Variants in FOXN3 observed in about 807,000 individuals in gnomAD.
FOXN3 encodes forkhead box protein N3.
FOXN3 carries 7 observed loss-of-function variants against 38.4 expected under a neutral mutation model. That is an observed-to-expected ratio of 0.18 (90% CI 0.10 to 0.34). The LOEUF is 0.34. Ranked by LOEUF, FOXN3 falls within the 10% of genes least tolerant of loss-of-function variation. The probability of loss-of-function intolerance (pLI) is 1.00; values close to 1 mark genes in which losing one functional copy is unlikely to be tolerated. For synonymous variants in FOXN3, 230 were observed against 242.2 expected, an observed-to-expected ratio of 0.95 and a Z score of 0.47; for missense variants, 456 against 613.4, an observed-to-expected ratio of 0.74 and a Z score of 2.71.
At chr14:89,290,879 A>C in intron 3 of FOXN3, 1 of 287,480 alleles carries the variant, frequency 3.5e-6, no homozygotes, top group Non-Finnish European at 6.9e-6. Flanking sequence ...TTGTGTCTTC[A>C]TTCTCAAAAA....
At chr14:89,296,196 G>A (rs1476983177) in intron 3 of FOXN3, among the ~76,000 whole-genome samples, 5 of 151,986 alleles carry the variant, frequency 3.3e-5, no homozygotes, top group African/African-American at 7.3e-5. Context: ...TTAAAACCAC[G>A]GCTACGATTT....
intron 1 of FOXN3, among the ~76,000 whole-genome samples, chr14:89,450,574 C>A (rs1485446307): frequency 2.7e-5 from 4 of 148,032 alleles, no homozygotes; most frequent in African/African-American, 7.6e-5. Flanking sequence ...AAATAACATT[C>A]TCGACTTCAT....
intron 3 of FOXN3, among the ~76,000 whole-genome samples, chr14:89,341,543 C>T (rs945019245): frequency 6.6e-6 from 1 of 152,142 alleles, no homozygotes; most frequent in Non-Finnish European, 1.5e-5. Context: ...TCTTAATCTC[C>T]CTCCTTTGTT....
intron 3 of FOXN3, among the ~76,000 whole-genome samples, chr14:89,320,627 T>C (rs1478622898): frequency 6.6e-6 from 1 of 152,172 alleles, no homozygotes; most frequent in Non-Finnish European, 1.5e-5. Context: ...CTCATGGGTC[T>C]CCTCATCACA....
intron 1 of FOXN3, among the ~76,000 whole-genome samples, chr14:89,416,107 C>G (rs1331644990): frequency 6.6e-6 from 1 of 152,166 alleles, no homozygotes; most frequent in Non-Finnish European, 1.5e-5. Flanking sequence ...GGGGCCGGGT[C>G]ACCCCCGCCC....
intron 1 of FOXN3, among the ~76,000 whole-genome samples, chr14:89,560,457 A>G (rs1895225926): frequency 6.6e-6 from 1 of 152,200 alleles, no homozygotes; most frequent in Non-Finnish European, 1.5e-5. Context: ...ACCATACCCC[A>G]TCCCTAAGTT....
Position 89,271,045 on chromosome 14 carries a change from G to GCACA in FOXN3, c.745+9901_745+9904dup, listed in dbSNP as rs142275431. Among the ~76,000 whole-genome samples, 446 of 150,934 alleles carry GCACA rather than the reference G, an allele frequency of 3.0e-3. 2 individuals carry two copies. The highest frequency in any genetic ancestry group is 3.2e-3 in the Non-Finnish European group (213 of 67,570). On this transcript the variant is annotated intron_variant, in intron 4 of 5. Transcript: ENST00000557258. ...TTCACTCATGCATGTGCACATACCT[G>GCACA]CACACACACACACACACCCACTCCC...
chr14:89,615,379 T>C (rs185542512), intron 1 of FOXN3, among the ~76,000 whole-genome samples: 3 of 152,320 alleles, frequency 2.0e-5, no homozygotes, highest in African/African-American at 7.2e-5. Context: ...GGAATTGTAT[T>C]GAACATCTTG....
chr14:89,372,487 C>G (rs1427871084), intron 2 of FOXN3, among the ~76,000 whole-genome samples: 1 of 152,144 alleles, frequency 6.6e-6, no homozygotes, highest in Non-Finnish European at 1.5e-5. Context: ...CTGACTGAAA[C>G]AAAATCTTAC....
intron 5 of FOXN3, among the ~76,000 whole-genome samples, chr14:89,177,030 T>G (rs914319985): frequency 4.6e-5 from 4 of 86,886 alleles, no homozygotes; most frequent in African/African-American, 1.7e-4. Flanking sequence ...TTTTTTTTTT[T>G]GACAGAGTCT....
intron 1 of FOXN3, among the ~76,000 whole-genome samples, chr14:89,426,926 T>C (rs1892043807): frequency 6.6e-6 from 1 of 151,756 alleles, no homozygotes; most frequent in East Asian, 1.9e-4. Flanking sequence ...GAGACAAAAT[T>C]GTGACCGAGA....
At chr14:89,359,203 G>A (rs889922009) in intron 2 of FOXN3, among the ~76,000 whole-genome samples, 1 of 151,998 alleles carries the variant, frequency 6.6e-6, no homozygotes, top group African/African-American at 2.4e-5. Flanking sequence ...GGCTGAGGCA[G>A]GAGAATCGCT....
At chr14:89,499,857 CG>C (rs1011703737) in intron 1 of FOXN3, among the ~76,000 whole-genome samples, 1 of 152,016 alleles carries the variant, frequency 6.6e-6, no homozygotes, top group Non-Finnish European at 1.5e-5. Context: ...GCAGCCTCCA[CG>C]GAAGGGGAGT....
At chr14:89,451,674 A>T (rs1892615154) in intron 1 of FOXN3, among the ~76,000 whole-genome samples, 1 of 152,080 alleles carries the variant, frequency 6.6e-6, no homozygotes, top group Non-Finnish European at 1.5e-5. Context: ...TTTAATCTTC[A>T]TCACCCCTGC....
chr14:89,189,261 TG>T (rs1887884526), intron 4 of FOXN3, among the ~76,000 whole-genome samples: 1 of 152,202 alleles, frequency 6.6e-6, no homozygotes, highest in Non-Finnish European at 1.5e-5. Flanking sequence ...GCACCTGTTT[TG>T]GGTCTGAGGA....
chr14:89,518,048 T>C (rs1027964797), intron 1 of FOXN3, among the ~76,000 whole-genome samples: 1 of 152,230 alleles, frequency 6.6e-6, no homozygotes, highest in Non-Finnish European at 1.5e-5. Flanking sequence ...AAACAGCATC[T>C]TCTGGTCATT....
intron 1 of FOXN3, among the ~76,000 whole-genome samples, chr14:89,451,285 G>T (rs948991576): frequency 6.6e-6 from 1 of 152,148 alleles, no homozygotes; most frequent in African/African-American, 2.4e-5. Context: ...CCAGCCTTGG[G>T]GGACATCCAA....
At position 89,295,732 on chromosome 14, in the gene FOXN3, T is replaced by C. The variant is rs199839506; in HGVS notation, c.681-14718A>G. ...CCTCCTGAGTAGCTGGGACTACAGG[T>C]ACATGCCACCATGCCTGGCTAATTT... On this transcript the variant is annotated intron_variant, in intron 3 of 5. Coordinates refer to ENST00000557258, the MANE Select transcript of FOXN3 (RefSeq NM_005197.4). Among the ~76,000 whole-genome samples, 69 of 150,792 alleles carry C rather than the reference T, an allele frequency of 4.6e-4. 1 individual carries two copies. The East Asian group carries it at 0.013, about 29-fold the overall frequency.
intron 3 of FOXN3, among the ~76,000 whole-genome samples, chr14:89,294,052 TC>T (rs140432001): frequency 0.013 from 1,943 of 152,290 alleles, 43 homozygotes; most frequent in African/African-American, 0.044. Flanking sequence ...CTCAGCTACG[TC>T]CCTGCCTCCA....
Sources: gnomAD v4.1 joint callset for allele counts (sites outside exome capture counted in the v4.1 genomes callset) on GRCh38, gnomAD v4.1.1 for gene constraint, MANE v1.5 for transcripts, NCBI Gene and HGNC (gene_info 2026-07-23, HGNC 2026-07-21) for gene names.